STAP1: variants seen among roughly 807,000 people sequenced by gnomAD.
STAP1 encodes signal-transducing adaptor protein 1.
A neutral mutation model predicts 37.8 loss-of-function variants in STAP1; 30 were observed. The ratio of observed to expected loss-of-function variants is 0.79; its 90% confidence interval spans 0.59 to 1.08. STAP1 has a LOEUF of 1.08. Ranked by LOEUF, STAP1 falls within the 50% of genes least tolerant of loss-of-function variation. The pLI, the probability that STAP1 is intolerant of heterozygous loss-of-function variation, is 0.00. For synonymous variants in STAP1, 130 were observed against 116.0 expected, an observed-to-expected ratio of 1.12 and a Z score of -0.78; for missense variants, 357 against 349.4, an observed-to-expected ratio of 1.02 and a Z score of -0.17.
Position 67,607,194 on chromosome 4 carries a change from G to C in STAP1, c.*837G>C, listed in dbSNP as rs1577776106. On this transcript the variant is annotated 3_prime_UTR_variant, in exon 9 of 9. Transcript: ENST00000265404. The stretch of plus-strand genomic sequence containing the variant: ...AAAAGATATGGTCTATATTCTACAG[G>C]GGAAAGACTATGTGAGACAGAGGGA... 1 of 152,110 alleles carries C rather than the reference G, an allele frequency of 6.6e-6. No homozygotes were observed. The highest frequency in any genetic ancestry group is 2.1e-4 in the South Asian group (1 of 4,816). 9.4% of individuals were successfully genotyped at this position (152,110 alleles called of 1,614,324 possible). A position where few individuals can be genotyped will look rare whatever the true frequency, so the allele number is the denominator to read the frequency against.
intron 2 of STAP1, among the ~76,000 whole-genome samples, chr4:67,573,066 G>A (rs1404706143): frequency 6.6e-6 from 1 of 152,182 alleles, no homozygotes; most frequent in Non-Finnish European, 1.5e-5. Context: ...GGATAGACAA[G>A]GTGAGAAGTG....
chr4:67,581,304 GC>G lies in STAP1; in HGVS notation c.364del (p.Leu122CysfsTer14). 1 of 1,609,716 alleles carries G rather than the reference GC, an allele frequency of 6.2e-7. No individual in the cohort carries two copies. The highest frequency in any genetic ancestry group is 1.1e-5 in the South Asian group (1 of 90,054). On this transcript the variant is annotated frameshift_variant and splice_region_variant, in exon 5 of 9. Coordinates refer to ENST00000265404, the MANE Select transcript of STAP1 (RefSeq NM_012108.4). LOFTEE classifies it high-confidence loss of function. Reference sequence around the variant, plus strand: ...CTGCCTACTCTTTTAATTGGTTTCAGCTGTCAGTTCCCCAAAACGTGTCACT... The same window carrying G: ...CTGCCTACTCTTTTAATTGGTTTCAGTGTCAGTTCCCCAAAACGTGTCACT... ...WRGFILTVTELSVPQNVSLLP... is the reference protein window; with the variant it reads ...WRGFILTVTEXSVPQNVSLLP...
At chr4:67,565,647 C>T (rs150250074) in intron 1 of STAP1, among the ~76,000 whole-genome samples, 5 of 152,230 alleles carry the variant, frequency 3.3e-5, no homozygotes, top group Non-Finnish European at 5.9e-5. Context: ...GCTTTACACA[C>T]ATACATTATT....
intron 1 of STAP1, among the ~76,000 whole-genome samples, chr4:67,566,332 T>C (rs567730510): frequency 1.4e-4 from 21 of 152,266 alleles, no homozygotes; most frequent in Admixed American, 1.1e-3. Context: ...GACACAGAAA[T>C]CACACAAATG....
intron 3 of STAP1, among the ~76,000 whole-genome samples, chr4:67,576,457 A>G (rs1194363325): frequency 6.6e-6 from 1 of 152,232 alleles, no homozygotes; most frequent in Non-Finnish European, 1.5e-5. Flanking sequence ...GAACAAATCT[A>G]TAAAACAATC....
At chr4:67,581,665 A>C (rs1727863637) in intron 5 of STAP1, among the ~76,000 whole-genome samples, 194 bp downstream of exon 5, 3 of 152,180 alleles carry the variant, frequency 2.0e-5, no homozygotes, top group African/African-American at 4.8e-5. Context: ...TGAACCAACC[A>C]TCTTACCACA....
intron 1 of STAP1, among the ~76,000 whole-genome samples, chr4:67,560,639 T>TGGGG (rs1180719363): frequency 8.0e-5 from 6 of 74,840 alleles, no homozygotes; most frequent in East Asian, 2.4e-4. Context: ...TCTTTGTGTG[T>TGGGG]GTGGGTGTGT....
chr4:67,583,699 T>C lies in STAP1; in HGVS notation c.656T>C (p.Ile219Thr), dbSNP rs763600280. 26 of 1,607,908 alleles carry C rather than the reference T, an allele frequency of 1.6e-5. No homozygotes were observed. Among genetic ancestry groups the C allele is most frequent in the South Asian group, 4.5e-5 (4 of 89,742 alleles). ...RNYSITIRQE[I>T]DIPRIKHYKV... ...TACTCCATCACTATTCGGCAGGAGA[T>C]AGAGTATGTTTATTTTTTTTAAATG... Residue 219 changes from isoleucine to threonine, a missense_variant, in exon 6 of 9, where the codon ATA becomes ACA. Physicochemically the swap from Ile to Thr is moderately conservative, Grantham distance 89 (BLOSUM62 -1). Transcript: ENST00000265404.
intron 7 of STAP1, among the ~76,000 whole-genome samples, chr4:67,591,615 A>AT (rs1427257719): frequency 1.3e-5 from 2 of 152,230 alleles, no homozygotes; most frequent in Non-Finnish European, 2.9e-5. Flanking sequence ...TAGTGGGAAG[A>AT]TTGAGTCAGG....
chr4:67,573,200 G>C (rs187720858), intron 2 of STAP1, among the ~76,000 whole-genome samples: 342 of 152,272 alleles, frequency 2.2e-3, no homozygotes, highest in Middle Eastern at 0.017. Flanking sequence ...AAGAGATTAG[G>C]ACAATGGATG....
chr4:67,583,558 T>TTA lies in STAP1; in HGVS notation c.531-16_531-15insTA, dbSNP rs770576520. On this transcript the variant is annotated splice_polypyrimidine_tract_variant and intron_variant, in intron 5 of 8. Coordinates refer to ENST00000265404, the MANE Select transcript of STAP1 (RefSeq NM_012108.4). ...AGTTAAAAAAACAATTCTGTTTTTT[T>TTA]ATCTCACCTCTGTAGATGTTTTTAT... is the stretch of plus-strand genomic sequence containing the variant. 5 of 1,579,326 alleles carry TTA rather than the reference T, an allele frequency of 3.2e-6. No individual in the cohort carries two copies. The Admixed American group carries it at 9.9e-5, about 31-fold the overall frequency.
Position 67,593,372 on chromosome 4 carries a change from C to A in STAP1, c.826+16C>A. The A allele has an allele frequency of 6.4e-7, 1 of 1,561,406 alleles. No individual in the cohort carries two copies. On this transcript the variant is annotated intron_variant, in intron 8 of 8. Coordinates refer to ENST00000265404, the MANE Select transcript of STAP1 (RefSeq NM_012108.4). ...GAAAACACTGGTATGTTTTTCACTTCATTGCTATGTTAAGGGAAACAAAAC... is the reference window on the plus strand; with the variant it reads ...GAAAACACTGGTATGTTTTTCACTTAATTGCTATGTTAAGGGAAACAAAAC...
Position 67,578,564 on chromosome 4 carries a change from C to G in STAP1, c.363+1305C>G, listed in dbSNP as rs904834564. ...GAATCCTGGGGAATTGCACTCTTTC[C>G]CTCTGTTGTGGAAAATATCTCTGAG... On this transcript the variant is annotated intron_variant, in intron 4 of 8. Coordinates refer to ENST00000265404, the MANE Select transcript of STAP1 (RefSeq NM_012108.4). 3.3e-5 allele frequency among the ~76,000 whole-genome samples: 5 copies of G among 152,172 alleles called. No homozygotes were observed. The East Asian group carries it at 5.8e-4, about 18-fold the overall frequency.
chr4:67,588,451 A>C (rs926757443), intron 6 of STAP1, among the ~76,000 whole-genome samples: 9 of 151,778 alleles, frequency 5.9e-5, no homozygotes, highest in Non-Finnish European at 1.2e-4. Flanking sequence ...GCTCTGTCTC[A>C]CAGGCTGGAG....
At chr4:67,584,231 T>C (rs1727932505) in intron 6 of STAP1, among the ~76,000 whole-genome samples, 2 of 152,174 alleles carry the variant, frequency 1.3e-5, no homozygotes, top group Non-Finnish European at 2.9e-5. Flanking sequence ...CTGGATATAG[T>C]TGCATTGTTC....
At chr4:67,560,255 T>TA (rs1328259553) in intron 1 of STAP1, among the ~76,000 whole-genome samples, 1 of 152,182 alleles carries the variant, frequency 6.6e-6, no homozygotes, top group African/African-American at 2.4e-5. Context: ...TTTTGCCACT[T>TA]ATAGCTTGTG....
chr4:67,604,727 T>C (rs1327984656), intron 8 of STAP1, among the ~76,000 whole-genome samples: 1 of 152,232 alleles, frequency 6.6e-6, no homozygotes, highest in Non-Finnish European at 1.5e-5. Flanking sequence ...CTTGGACATT[T>C]TGAATATTAT....
In STAP1 at chr4:67,606,593, T is replaced by C. The variant is rs1577775618; in HGVS notation, c.*236T>C. 2.5e-6 allele frequency: 1 copy of C among 404,062 alleles called. No individual in the cohort carries two copies. 25.0% of individuals were successfully genotyped at this position (404,062 alleles called of 1,614,324 possible). On this transcript the variant is annotated 3_prime_UTR_variant, in exon 9 of 9. Coordinates refer to ENST00000265404, the MANE Select transcript of STAP1 (RefSeq NM_012108.4). ...TGGTGGTAACCTGCAGATATACACA[T>C]TCCCATGCACTGACATAAGTTGAAA...
intron 6 of STAP1, among the ~76,000 whole-genome samples, chr4:67,585,662 A>G (rs949041700): frequency 6.6e-6 from 1 of 152,230 alleles, no homozygotes; most frequent in African/African-American, 2.4e-5. Flanking sequence ...TTTCAATTCT[A>G]TTGAAATACA....
Sources: allele counts gnomAD v4.1 joint callset (sites outside exome capture counted in the v4.1 genomes callset), GRCh38; gene constraint gnomAD v4.1.1; transcripts MANE v1.5; gene names NCBI Gene and HGNC (gene_info 2026-07-23, HGNC 2026-07-21).